Variants in EFCC1 observed in about 807,000 individuals in gnomAD.
The protein encoded by EFCC1 is EF-hand and coiled-coil domain-containing protein 1.
In EFCC1, 50 loss-of-function variants were observed where a neutral mutation model predicts 52.1. That is an observed-to-expected ratio of 0.96 (90% CI 0.76 to 1.21). The LOEUF is 1.21. Ranked by LOEUF, EFCC1 falls within the 50% of genes most tolerant of loss-of-function variation. EFCC1 has a pLI of 0.00. For missense variants in EFCC1, 837 were observed against 867.3 expected (o/e 0.97, Z 0.44); for synonymous variants, 399 against 396.5 (o/e 1.01, Z -0.08).
Position 129,038,852 on chromosome 3 carries a change from G to A in EFCC1, c.1615G>A (p.Gly539Arg). The A allele has an allele frequency of 6.2e-7, 1 of 1,613,984 alleles. No homozygotes were observed. The highest frequency in any genetic ancestry group is 1.3e-5 in the African/African-American group (1 of 75,020). The change falls in exon 7 of 8, where the codon GGG becomes AGG. Residue 539 changes from glycine to arginine, a missense_variant. Gly to Arg is a moderately radical substitution (Grantham distance 125). Coordinates refer to ENST00000683648, the MANE Select transcript of EFCC1 (RefSeq NM_001377500.1). ...TAAGAACATATCGAAAAGAGCCCTG[G>A]GGAAGATTTTGCTGAGCACGCTGGA... ...RDLNISKRAL[G>R]KILLSTLDAF...
At chr3:129,039,315 C>T (rs1170578143) in intron 7 of EFCC1, among the ~76,000 whole-genome samples, 1 of 152,324 alleles carries the variant, frequency 6.6e-6, no homozygotes, top group Non-Finnish European at 1.5e-5. Flanking sequence ...AACATGGACC[C>T]GGTGTTTAGA....
chr3:129,022,672 G>A (rs1945911237), intron 2 of EFCC1, among the ~76,000 whole-genome samples: 1 of 152,194 alleles, frequency 6.6e-6, no homozygotes, highest in South Asian at 2.1e-4. Context: ...GTGAGGGGAG[G>A]GTGGGTGGCT....
intron 2 of EFCC1, among the ~76,000 whole-genome samples, chr3:129,009,332 G>C (rs1057380076): frequency 3.3e-5 from 5 of 152,186 alleles, no homozygotes; most frequent in Admixed American, 2.0e-4. Flanking sequence ...AGGTACTCAC[G>C]TAGTGTTACC....
In EFCC1 at chr3:129,012,126, G is replaced by A. The variant is rs1286193870; in HGVS notation, c.980+8049G>A. ...CCCTTGGCCATGACCTGCCTCATCT[G>A]CTAACCTATGTATGTTGCACATTTT... On this transcript the variant is annotated intron_variant, in intron 2 of 7. Coordinates refer to ENST00000683648, the MANE Select transcript of EFCC1 (RefSeq NM_001377500.1). Among the ~76,000 whole-genome samples, 3 of 152,238 alleles carry A rather than the reference G, an allele frequency of 2.0e-5. No individual in the cohort carries two copies. In the South Asian group the frequency reaches 6.2e-4, roughly 31 times the overall value.
intron 5 of EFCC1, 76 bp downstream of exon 5, chr3:129,034,405 G>A: frequency 6.6e-7 from 1 of 1,514,280 alleles, no homozygotes; most frequent in Non-Finnish European, 8.9e-7. Context: ...AGGGATTGCA[G>A]CCAAGTCTTG....
Position 129,003,980 on chromosome 3 carries a change from A to G in EFCC1, c.883A>G (p.Ser295Gly). Residue 295 changes from serine to glycine, a missense_variant, in exon 2 of 8, where the codon AGC (serine) becomes GGC (glycine). Ser to Gly is a moderately conservative substitution (Grantham distance 56). Coordinates refer to ENST00000683648, the MANE Select transcript of EFCC1 (RefSeq NM_001377500.1). ...AEEARQVVLR[S>G]LHRVRELEAL... Reference sequence around the variant, plus strand: ...GGAGGCCCGGCAGGTGGTGCTGCGCAGCCTGCACCGCGTGCGAGAGCTGGA... The same window carrying G: ...GGAGGCCCGGCAGGTGGTGCTGCGCGGCCTGCACCGCGTGCGAGAGCTGGA... The G allele has an allele frequency of 6.7e-7, 1 of 1,491,502 alleles. No homozygotes were observed. Among genetic ancestry groups the G allele is most frequent in the Non-Finnish European group, 8.9e-7 (1 of 1,128,328 alleles). 92.4% of individuals were successfully genotyped at this position (1,491,502 alleles called of 1,614,324 possible).
At position 129,010,756 on chromosome 3, in the gene EFCC1, T is replaced by G. The variant is rs989013845; in HGVS notation, c.980+6679T>G. 2.0e-5 allele frequency among the ~76,000 whole-genome samples: 3 copies of G among 152,116 alleles called. No homozygotes were observed. Among genetic ancestry groups the G allele is most frequent in the Admixed American group, 6.5e-5 (1 of 15,276 alleles). On this transcript the variant is annotated intron_variant, in intron 2 of 7. Coordinates refer to ENST00000683648, the MANE Select transcript of EFCC1 (RefSeq NM_001377500.1). This position sits in a 1 kb window ranked among gnomAD's most constrained non-coding sequence, Gnocchi z 4.3. ...GGGAGGCCTCGGATTCCATCGTCCT[T>G]GGAGGTGGGTGTGTGGGTGGCCTTG... is the stretch of plus-strand genomic sequence containing the variant.
chr3:129,030,993 TCAGGCTGGGC>T (rs1946261154), intron 3 of EFCC1, 133 bp downstream of exon 3: 1 of 1,245,404 alleles, frequency 8.0e-7, no homozygotes, highest in African/African-American at 1.5e-5. Flanking sequence ...CACCAGGTGC[TCAGGCTGGGC>T]TGGGGCCCTT....
At chr3:129,036,381 G>A (rs537749990) in intron 5 of EFCC1, among the ~76,000 whole-genome samples, 2 of 152,348 alleles carry the variant, frequency 1.3e-5, no homozygotes, top group East Asian at 3.9e-4. Context: ...CCTCGTGCCT[G>A]GCATGCCTGC....
rs1340213274 is a variant in EFCC1 at position 129,029,794 on chromosome 3, A to G, written c.981-909A>G. On this transcript the variant is annotated intron_variant, in intron 2 of 7. Coordinates refer to ENST00000683648, the MANE Select transcript of EFCC1 (RefSeq NM_001377500.1). ...GAGACAGGGTTTCACCATGTTGGCC[A>G]GGCTGGTCTCGAACTCCTGACCTCA... 2.6e-5 allele frequency among the ~76,000 whole-genome samples: 4 copies of G among 151,424 alleles called. No homozygotes were observed. In the East Asian group the frequency reaches 7.9e-4, roughly 30 times the overall value.
At chr3:129,003,396 G>A in intron 1 of EFCC1, 1 of 620,962 alleles carries the variant, frequency 1.6e-6, no homozygotes, top group Non-Finnish European at 2.0e-6. Flanking sequence ...GCAGGCACGG[G>A]GAGGGCTGGA....
At chr3:129,026,797 G>T (rs1231248826) in intron 2 of EFCC1, among the ~76,000 whole-genome samples, 1 of 152,112 alleles carries the variant, frequency 6.6e-6, no homozygotes, top group Non-Finnish European at 1.5e-5. Context: ...GTAGTCACGC[G>T]GTCTCACATT....
At chr3:129,017,015 C>T (rs892289628) in intron 2 of EFCC1, among the ~76,000 whole-genome samples, 1 of 152,230 alleles carries the variant, frequency 6.6e-6, no homozygotes, top group African/African-American at 2.4e-5. Context: ...ATCTTCCACT[C>T]TGTTTTCCTC....
intron 2 of EFCC1, among the ~76,000 whole-genome samples, chr3:129,004,672 G>A (rs1944991151): frequency 6.6e-6 from 1 of 152,060 alleles, no homozygotes; most frequent in South Asian, 2.1e-4. Context: ...ATAGCTTACA[G>A]TTACTAAGCA....
intron 5 of EFCC1, among the ~76,000 whole-genome samples, chr3:129,034,729 T>C (rs1033617493): frequency 3.3e-5 from 5 of 152,150 alleles, no homozygotes; most frequent in Admixed American, 3.3e-4. Flanking sequence ...TGAACAGCCC[T>C]AGACTTCCAT....
intron 6 of EFCC1, among the ~76,000 whole-genome samples, chr3:129,038,178 T>G (rs971718401): frequency 2.0e-5 from 3 of 152,206 alleles, no homozygotes; most frequent in Non-Finnish European, 4.4e-5. Context: ...AGAAAGGCTA[T>G]AAGGACTAGA....
chr3:129,021,948 C>G (rs796536498), intron 2 of EFCC1, among the ~76,000 whole-genome samples: 7 of 152,222 alleles, frequency 4.6e-5, no homozygotes, highest in South Asian at 2.1e-4. Flanking sequence ...TGGAATAGCA[C>G]AGGGCCATTG....
chr3:129,038,535 T>C (rs1375638549), intron 6 of EFCC1, among the ~76,000 whole-genome samples: 1 of 152,256 alleles, frequency 6.6e-6, no homozygotes, highest in African/African-American at 2.4e-5. Context: ...GCAAATGCAT[T>C]AAAATGCTCT....
intron 1 of EFCC1, chr3:129,002,563 A>G (rs6769766): frequency 0.03 from 22,477 of 744,874 alleles, 1,998 homozygotes; most frequent in African/African-American, 0.25. Context: ...ATCACACTCA[A>G]ACAACCATAC....
Sources: allele counts gnomAD v4.1 joint callset (sites outside exome capture counted in the v4.1 genomes callset), GRCh38; gene constraint gnomAD v4.1.1; non-coding constraint Gnocchi (gnomAD v3.1); transcripts MANE v1.5; gene names NCBI Gene and HGNC (gene_info 2026-07-23, HGNC 2026-07-21).